LPP: variants seen among roughly 807,000 people sequenced by gnomAD.
LPP encodes LIM domain containing preferred translocation partner in lipoma, also known as lipoma-preferred partner.
Under a neutral mutation model 60.4 loss-of-function variants are expected in LPP, and 38 were observed. The ratio of observed to expected loss-of-function variants is 0.63; its 90% CI spans 0.49 to 0.83. LPP has a LOEUF of 0.83. Among genes scored for constraint, LPP ranks in the 40% least tolerant of loss-of-function variants. The pLI, the probability that LPP is intolerant of heterozygous loss-of-function variation, is 0.00. For missense variants in LPP, 902 were observed against 783.6 expected (o/e 1.15, Z -1.80); for synonymous variants, 328 against 290.8 (o/e 1.13, Z -1.30).
chr3:188,400,772 A>C (rs763235457), intron 3 of LPP, among the ~76,000 whole-genome samples: 1 of 152,130 alleles, frequency 6.6e-6, no homozygotes, highest in East Asian at 1.9e-4. Flanking sequence ...TTTCATGATG[A>C]TTATGAACTT....
intron 7 of LPP, among the ~76,000 whole-genome samples, chr3:188,639,811 CAAT>C (rs1849668351): frequency 6.6e-6 from 1 of 152,198 alleles, no homozygotes; most frequent in South Asian, 2.1e-4. Flanking sequence ...ATCAAAACTA[CAAT>C]GAGATACCAT....
intron 6 of LPP, among the ~76,000 whole-genome samples, chr3:188,569,735 G>T (rs1833078588): frequency 6.6e-6 from 1 of 151,982 alleles, no homozygotes; most frequent in Non-Finnish European, 1.5e-5. Flanking sequence ...CGGCCATCTG[G>T]CTCCAAAGCC....
In LPP at chr3:188,880,155, C is replaced by T. The variant is rs1002029722; in HGVS notation, c.*5676C>T. ...ACGCCATTCTCCTGTCTCAGCCTCC[C>T]GAGTAGCTGGGACTACAGGCGCCTG... is the stretch of plus-strand genomic sequence containing the variant. On this transcript the variant is annotated 3_prime_UTR_variant, in exon 12 of 12. Transcript: ENST00000617246. 1.2e-5 allele frequency: 2 copies of T among 162,508 alleles called. No homozygotes were observed. The highest frequency in any genetic ancestry group is 2.7e-5 in the Non-Finnish European group (2 of 74,226). 10.1% of individuals were successfully genotyped at this position (162,508 alleles called of 1,614,324 possible). A position where few individuals can be genotyped will look rare whatever the true frequency, so the allele number is the denominator to read the frequency against.
chr3:188,252,071 T>TACACAC (rs769104961), intron 2 of LPP, among the ~76,000 whole-genome samples: 8 of 93,880 alleles, frequency 8.5e-5, no homozygotes, highest in Admixed American at 5.7e-4. Flanking sequence ...TATATATATA[T>TACACAC]ATATACACAC....
intron 8 of LPP, among the ~76,000 whole-genome samples, chr3:188,716,723 TC>T (rs1714165597): frequency 6.6e-6 from 1 of 152,184 alleles, no homozygotes; most frequent in Non-Finnish European, 1.5e-5. Context: ...CAGAAGAAAG[TC>T]TTTGTAAAAT....
chr3:188,691,648 C>T (rs192227713), intron 7 of LPP, among the ~76,000 whole-genome samples: 4 of 152,250 alleles, frequency 2.6e-5, no homozygotes, highest in East Asian at 1.9e-4. Flanking sequence ...TTGAGGAAAC[C>T]GGACCCAGAG....
intron 9 of LPP, among the ~76,000 whole-genome samples, chr3:188,861,475 T>C (rs1765179704): frequency 6.6e-6 from 1 of 152,226 alleles, no homozygotes; most frequent in Admixed American, 6.5e-5. Context: ...GAATCTTCAA[T>C]TACTTATGTA....
chr3:188,657,281 T>TATATATATATATATATATATATA (rs10529848), intron 7 of LPP, among the ~76,000 whole-genome samples: 144 of 143,438 alleles, frequency 1.0e-3, no homozygotes, highest in East Asian at 1.2e-3. Flanking sequence ...TATATATATA[T>TATATATATATATATATATATATA]TTCCAAAAGC....
At chr3:188,693,964 G>T (rs1862667494) in intron 7 of LPP, among the ~76,000 whole-genome samples, 1 of 152,168 alleles carries the variant, frequency 6.6e-6, no homozygotes, top group Non-Finnish European at 1.5e-5. Flanking sequence ...AGATGACCTT[G>T]AATAACTCAG....
chr3:188,746,452 T>C, intron 8 of LPP: 1 of 448,686 alleles, frequency 2.2e-6, no homozygotes, highest in Non-Finnish European at 4.3e-6. Context: ...AAGCAAGCTG[T>C]ATTTGTTGTA....
chr3:188,733,475 C>A (rs918522737), intron 8 of LPP, among the ~76,000 whole-genome samples: 19 of 152,196 alleles, frequency 1.2e-4, no homozygotes, highest in African/African-American at 4.1e-4. Context: ...AAAAATTAAG[C>A]CCCCCTTCTC....
chr3:188,442,953 A>G (rs1019807605), intron 4 of LPP, among the ~76,000 whole-genome samples: 1 of 152,196 alleles, frequency 6.6e-6, no homozygotes, highest in Non-Finnish European at 1.5e-5. Context: ...ACGTTGAAAG[A>G]GTTTGTGTGT....
chr3:188,886,609 CTAATT>C lies in LPP; in HGVS notation c.*12133_*12137del. The C allele has an allele frequency of 4.8e-6, 1 of 210,366 alleles. No homozygotes were observed. Among genetic ancestry groups the C allele is most frequent in the Non-Finnish European group, 9.6e-6 (1 of 104,654 alleles). 13.0% of individuals were successfully genotyped at this position (210,366 alleles called of 1,614,324 possible). On this transcript the variant is annotated 3_prime_UTR_variant, in exon 12 of 12. Coordinates refer to ENST00000617246, the MANE Select transcript of LPP (RefSeq NM_001375462.1). ...ATTTTCAAATACCTTTATAAATCAT[CTAATT>C]TATCTTCACATAATATAAAGAAAAA...
rs190133605 is a variant in LPP at position 188,231,583 on chromosome 3, C to T, written c.-67+6056C>T. Among the ~76,000 whole-genome samples the T allele has an allele frequency of 8.6e-5, 13 of 151,912 alleles. No individual in the cohort carries two copies. The East Asian group carries it at 2.5e-3, about 29-fold the overall frequency. On this transcript the variant is annotated intron_variant, in intron 2 of 11. Coordinates refer to ENST00000617246, the MANE Select transcript of LPP (RefSeq NM_001375462.1). ...ATGTCGAAAGGTTCTTGCTTGAGCC[C>T]CTTGCTGTATGCGTGAGACACCGAG...
chr3:188,476,796 A>G (rs1039218824), intron 4 of LPP, among the ~76,000 whole-genome samples: 1 of 152,210 alleles, frequency 6.6e-6, no homozygotes, highest in Non-Finnish European at 1.5e-5. Flanking sequence ...TAGCATGATA[A>G]CTAAAAAATT....
intron 4 of LPP, among the ~76,000 whole-genome samples, chr3:188,450,744 CAAAAA>C (rs10708050): frequency 7.1e-6 from 1 of 140,634 alleles, no homozygotes; most frequent in African/African-American, 2.6e-5. Context: ...GACTCTGTCT[CAAAAA>C]AAAAAAAAAA....
intron 6 of LPP, among the ~76,000 whole-genome samples, chr3:188,562,072 C>A (rs1264255569): frequency 1.9e-5 from 1 of 51,680 alleles, no homozygotes. Flanking sequence ...CAGACACACA[C>A]AGACACACAC....
At chr3:188,311,178 AT>A (rs1329718917) in intron 2 of LPP, among the ~76,000 whole-genome samples, 2 of 149,170 alleles carry the variant, frequency 1.3e-5, no homozygotes, top group African/African-American at 2.4e-5. Context: ...TTTTCTAATT[AT>A]TTTATATGCT....
intron 9 of LPP, among the ~76,000 whole-genome samples, chr3:188,795,904 A>C (rs911163179): frequency 2.0e-5 from 3 of 152,174 alleles, no homozygotes; most frequent in African/African-American, 7.2e-5. Context: ...ATTTGCACCA[A>C]CTAGATAATT....
Sources: gnomAD v4.1 joint callset for allele counts (sites outside exome capture counted in the v4.1 genomes callset) on GRCh38, gnomAD v4.1.1 for gene constraint, MANE v1.5 for transcripts, NCBI Gene and HGNC (gene_info 2026-07-23, HGNC 2026-07-21) for gene names.